The following MYOM1 variants were observed in gnomAD, a reference collection of about 807,000 sequenced individuals.
The protein encoded by MYOM1 is myomesin-1.
MYOM1 carries 164 observed loss-of-function variants against 205.3 expected under a neutral mutation model. That is an observed-to-expected ratio of 0.80 (90% CI 0.70 to 0.91). MYOM1 has a LOEUF of 0.91. MYOM1 is among the 40% of genes least tolerant of loss of function. MYOM1 has a pLI of 0.00. For synonymous variants in MYOM1, 772 were observed against 789.4 expected (o/e 0.98, Z 0.37); for missense variants, 2,011 against 2,127.3 (o/e 0.95, Z 1.08).
intron 2 of MYOM1, among the ~76,000 whole-genome samples, chr18:3,197,181 G>C (rs1027556565): frequency 6.7e-6 from 1 of 149,052 alleles, no homozygotes; most frequent in Admixed American, 6.7e-5. Flanking sequence ...CTGTCACCCA[G>C]GCTGGAGTGC....
Position 3,100,339 on chromosome 18 carries a change from G to C in MYOM1, c.3663C>G (p.Ser1221Arg), listed in dbSNP as rs1412547706. The C allele has an allele frequency of 3.0e-5, 49 of 1,613,746 alleles. No individual in the cohort carries two copies. The highest frequency in any genetic ancestry group is 4.0e-5 in the Non-Finnish European group (47 of 1,179,708). The change falls in exon 24 of 38, where the codon AGC becomes AGG. Residue 1221 changes from serine to arginine, a missense_variant. Physicochemically the swap from Ser to Arg is moderately radical, Grantham distance 110 (BLOSUM62 -1). Transcript: ENST00000356443. ...ACTTACCTTCCTCATCTATTAAGTA[G>C]CTTGATGCTATTCCATCAGTGTCTG... ...DVTDTDGIAS[S>R]YLIDEEELKR...
intron 4 of MYOM1, 102 bp downstream of exon 4, chr18:3,188,646 G>T: frequency 1.7e-6 from 2 of 1,204,742 alleles, no homozygotes; most frequent in Non-Finnish European, 2.2e-6. Context: ...AAAAAAAAAA[G>T]AAACAAATCA....
At chr18:3,245,697 C>T in the MYOM1 span, among the ~76,000 whole-genome samples, 4 of 152,202 alleles carry the variant, frequency 2.6e-5, no homozygotes, top group African/African-American at 9.6e-5. Flanking sequence ...CTGATCACCT[C>T]CAGACAATCA....
rs1390310537 is a variant in MYOM1 at position 3,168,871 on chromosome 18, C to G, written c.1285G>C (p.Val429Leu). Residue 429 changes from valine (V) to leucine (L), a missense_variant, in exon 9 of 38, where the codon GTC (valine) becomes CTC (leucine). Coordinates refer to ENST00000356443, the MANE Select transcript of MYOM1 (RefSeq NM_003803.4). The stretch of plus-strand genomic sequence containing the variant: ...AAATGTTTAATTTCAGGAGTGATGA[C>G]AACACGACAGCCTAGACTCATTGTC... Reference protein sequence around the residue: ...GETMSLGCRVVITPEIKHFQP... With the variant: ...GETMSLGCRVLITPEIKHFQP... 1 of 1,613,874 alleles carries G rather than the reference C, an allele frequency of 6.2e-7. No individual in the cohort carries two copies. Among genetic ancestry groups the G allele is most frequent in the Non-Finnish European group, 8.5e-7 (1 of 1,179,876 alleles).
At chr18:3,230,199 C>T in the MYOM1 span, among the ~76,000 whole-genome samples, 1 of 152,052 alleles carries the variant, frequency 6.6e-6, no homozygotes, top group Non-Finnish European at 1.5e-5. Flanking sequence ...AGATACTATA[C>T]CAGTGCTTTA....
At chr18:3,221,407 C>T (rs1378889342), upstream of MYOM1, among the ~76,000 whole-genome samples, 4 of 152,198 alleles carry the variant, frequency 2.6e-5, no homozygotes, top group Non-Finnish European at 5.9e-5. Flanking sequence ...TGTTGAGGAC[C>T]TATCCAGTGC....
At chr18:3,177,851 G>T (rs978252338) in intron 5 of MYOM1, among the ~76,000 whole-genome samples, 2 of 152,122 alleles carry the variant, frequency 1.3e-5, no homozygotes, top group African/African-American at 4.8e-5. Context: ...TCTTGCCTTG[G>T]AAGAATTTAT....
intron 34 of MYOM1, among the ~76,000 whole-genome samples, chr18:3,077,668 G>A (rs1366692617): frequency 1.3e-5 from 2 of 152,144 alleles, no homozygotes; most frequent in African/African-American, 4.8e-5. Flanking sequence ...TTTCAGAGTG[G>A]TGTAGTTAAA....
intron 5 of MYOM1, among the ~76,000 whole-genome samples, chr18:3,184,937 A>C (rs781445213): frequency 3.0e-4 from 45 of 152,336 alleles, no homozygotes; most frequent in Non-Finnish European, 5.7e-4. Flanking sequence ...AAGGATGCAG[A>C]TATTTCAAAG....
chr18:3,097,408 TTTG>T (rs1356226201), intron 25 of MYOM1, among the ~76,000 whole-genome samples: 1 of 151,896 alleles, frequency 6.6e-6, no homozygotes, highest in Non-Finnish European at 1.5e-5. Context: ...CATGTCAGAG[TTTG>T]TTATTTTGTG....
chr18:3,189,020 C>CTATA lies in MYOM1; in HGVS notation c.495_498dup (p.Ala167TyrfsTer9), dbSNP rs1567958759. On this transcript the variant is annotated frameshift_variant, in exon 4 of 38. Coordinates refer to ENST00000356443, the MANE Select transcript of MYOM1 (RefSeq NM_003803.4). LOFTEE classifies it high-confidence loss of function. The surrounding 1 kb of genome is among the most constrained non-coding windows in gnomAD (Gnocchi z 4.8). ...TCACTAGCAAGAAGATTCCTCTGGG[C>CTATA]TATATAAGCAGCAGCTTCTTTAATT... The CTATA allele has an allele frequency of 3.7e-6, 6 of 1,613,608 alleles. No individual in the cohort carries two copies. The East Asian group carries it at 1.3e-4, about 36-fold the overall frequency.
intron 14 of MYOM1, among the ~76,000 whole-genome samples, chr18:3,139,462 C>T (rs1240840538): frequency 1.3e-5 from 2 of 152,124 alleles, no homozygotes; most frequent in African/African-American, 4.8e-5. Context: ...AAGGACATGC[C>T]GTGAAGAAGA....
At chr18:3,070,784 G>A (rs949459039) in intron 37 of MYOM1, among the ~76,000 whole-genome samples, 4 of 151,490 alleles carry the variant, frequency 2.6e-5, no homozygotes, top group African/African-American at 9.7e-5. Flanking sequence ...GCACGTGTGT[G>A]TGTTTGTATG....
chr18:3,169,972 G>C (rs758235013), intron 8 of MYOM1, among the ~76,000 whole-genome samples: 1 of 152,068 alleles, frequency 6.6e-6, no homozygotes, highest in Non-Finnish European at 1.5e-5. Flanking sequence ...CAAAAAAAAA[G>C]ATTGAAATCC....
At chr18:3,199,351 G>T (rs902930712) in intron 2 of MYOM1, among the ~76,000 whole-genome samples, 1 of 152,184 alleles carries the variant, frequency 6.6e-6, no homozygotes, top group African/African-American at 2.4e-5. Context: ...TGGTAGATCA[G>T]CCAGAAATTT....
intron 11 of MYOM1, among the ~76,000 whole-genome samples, chr18:3,153,574 A>G (rs1246686402): frequency 1.3e-5 from 2 of 152,254 alleles, no homozygotes; most frequent in Non-Finnish European, 2.9e-5. Context: ...TGCCAAAGAC[A>G]ATAAAGCACA....
chr18:3,230,590 G>A, the MYOM1 span, among the ~76,000 whole-genome samples: 1 of 152,062 alleles, frequency 6.6e-6, no homozygotes, highest in Non-Finnish European at 1.5e-5. Context: ...CTTTGCATAG[G>A]GTGTAACTTT....
chr18:3,134,546 G>A, intron 16 of MYOM1, 104 bp downstream of exon 16: 2 of 1,291,478 alleles, frequency 1.5e-6, no homozygotes, highest in Non-Finnish European at 2.1e-6. Context: ...CAGCCAAAAA[G>A]TAAAATTTTT....
At chr18:3,138,600 C>A (rs2080004939) in intron 14 of MYOM1, among the ~76,000 whole-genome samples, 1 of 152,188 alleles carries the variant, frequency 6.6e-6, no homozygotes, top group African/African-American at 2.4e-5. Context: ...GAAACTCTCT[C>A]AGACCTTTAA....
Sources: gnomAD v4.1 joint callset for allele counts (sites outside exome capture counted in the v4.1 genomes callset) on GRCh38, gnomAD v4.1.1 for gene constraint, Gnocchi (gnomAD v3.1) non-coding constraint, MANE v1.5 for transcripts, NCBI Gene and HGNC (gene_info 2026-07-23, HGNC 2026-07-21) for gene names.